Variants in CDYL2 observed in about 807,000 individuals in gnomAD.
The protein encoded by CDYL2 is chromodomain Y-like protein 2.
Under a neutral mutation model 49.4 loss-of-function variants are expected in CDYL2, and 23 were observed. The ratio of observed to expected loss-of-function variants is 0.47; its 90% CI spans 0.34 to 0.66. The LOEUF (loss-of-function observed/expected upper bound fraction) is 0.66. CDYL2 is among the 30% of genes least tolerant of loss of function. CDYL2 has a pLI of 0.01. For missense variants in CDYL2, 678 were observed against 656.4 expected (o/e 1.03, Z -0.36); for synonymous variants, 360 against 268.8 (o/e 1.34, Z -3.32).
intron 1 of CDYL2, among the ~76,000 whole-genome samples, chr16:80,715,963 C>A (rs1904784425): frequency 6.6e-6 from 1 of 152,228 alleles, no homozygotes; most frequent in Non-Finnish European, 1.5e-5. Flanking sequence ...CAAAACCCAG[C>A]TCTGTCGCCG....
Position 80,643,208 on chromosome 16 carries a change from A to C in CDYL2, c.617-9972T>G, listed in dbSNP as rs147321982. ...ATTCCAAAATCCAGCAGGGCAGTCA[A>C]ATTTTAAAGCTCCAAAATGATCTCC... On this transcript the variant is annotated intron_variant, in intron 2 of 6. Transcript: ENST00000570137. 9.9e-3 allele frequency among the ~76,000 whole-genome samples: 1,502 copies of C among 152,328 alleles called. 34 individuals are homozygous for C. The highest frequency in any genetic ancestry group is 0.034 in the African/African-American group (1,434 of 41,568).
Position 80,685,200 on chromosome 16 carries a change from A to T in CDYL2, c.25-71T>A, listed in dbSNP as rs924384138. On this transcript the variant is annotated intron_variant, in intron 1 of 6. Coordinates refer to ENST00000570137, the MANE Select transcript of CDYL2 (RefSeq NM_152342.4). ...AAAAAACTCAGTTCGAGGCAACAAG[A>T]ACACCATAAAGCCTTTGGGATAGAG... is the stretch of plus-strand genomic sequence containing the variant. 2.9e-5 allele frequency: 35 copies of T among 1,218,818 alleles called. No individual in the cohort carries two copies. In the East Asian group the frequency reaches 7.9e-4, roughly 27 times the overall value. The allele number at this position is 1,218,818 out of a possible 1,614,324, so 75.5% of individuals were successfully genotyped here.
chr16:80,658,479 T>C (rs1470593578), intron 2 of CDYL2, among the ~76,000 whole-genome samples: 1 of 152,132 alleles, frequency 6.6e-6, no homozygotes, highest in Non-Finnish European at 1.5e-5. Context: ...TTCACTGTGG[T>C]AAGAATGGAG....
chr16:80,722,486 C>T (rs929820007), intron 1 of CDYL2, among the ~76,000 whole-genome samples: 1 of 152,316 alleles, frequency 6.6e-6, no homozygotes, highest in East Asian at 1.9e-4. Flanking sequence ...GACACCTTAT[C>T]GAGCCAACAA....
In CDYL2 at chr16:80,598,336, T is replaced by C. The variant is rs142468802; in HGVS notation, c.*6052A>G. ...TCCTAGGGTGGGCTGGATAAGTTTT[T>C]GGTAGCCTGCTTCATTATCGGAAGT... is the stretch of plus-strand genomic sequence containing the variant. On this transcript the variant is annotated 3_prime_UTR_variant, in exon 7 of 7. Coordinates refer to ENST00000570137, the MANE Select transcript of CDYL2 (RefSeq NM_152342.4). The C allele has an allele frequency of 6.6e-6, 1 of 152,270 alleles. No homozygotes were observed. Among genetic ancestry groups the C allele is most frequent in the East Asian group, 1.9e-4 (1 of 5,180 alleles). The allele number at this position is 152,270 out of a possible 1,614,324, so 9.4% of individuals were successfully genotyped here.
intron 2 of CDYL2, among the ~76,000 whole-genome samples, chr16:80,663,767 AT>A (rs1320798635): frequency 1.3e-5 from 2 of 152,048 alleles, no homozygotes; most frequent in Non-Finnish European, 2.9e-5. Flanking sequence ...TAATTTTTGT[AT>A]TTCTAGTAGA....
At chr16:80,637,582 C>A (rs1907894704) in intron 2 of CDYL2, among the ~76,000 whole-genome samples, 1 of 152,078 alleles carries the variant, frequency 6.6e-6, no homozygotes, top group Non-Finnish European at 1.5e-5. Context: ...TGTAAGGTCA[C>A]AGAATACAAG....
At chr16:80,619,611 G>A (rs573035017) in intron 4 of CDYL2, among the ~76,000 whole-genome samples, 8 of 152,352 alleles carry the variant, frequency 5.3e-5, no homozygotes, top group African/African-American at 1.7e-4. Context: ...AGGCAGTAGT[G>A]AGAGGGCATA....
chr16:80,753,399 G>A (rs1016571514), intron 1 of CDYL2, among the ~76,000 whole-genome samples: 1 of 151,978 alleles, frequency 6.6e-6, no homozygotes, highest in East Asian at 1.9e-4. Context: ...ACCTGAAGTC[G>A]GGAGTTCGAG....
At position 80,604,190 on chromosome 16, in the gene CDYL2, G is replaced by T; in HGVS notation, c.*198C>A. On this transcript the variant is annotated 3_prime_UTR_variant, in exon 7 of 7. Coordinates refer to ENST00000570137, the MANE Select transcript of CDYL2 (RefSeq NM_152342.4). ...GGCCAGGAAGGGCAGGGAGGTGGGG[G>T]AGGCCAAGTATGCTGCGTTTTCCAT... 1 of 617,114 alleles carries T rather than the reference G, an allele frequency of 1.6e-6. No homozygotes were observed. 38.2% of individuals were successfully genotyped at this position (617,114 alleles called of 1,614,324 possible). A position where few individuals can be genotyped will look rare whatever the true frequency, so the allele number is the denominator to read the frequency against.
chr16:80,614,991 T>C (rs1229986176), intron 4 of CDYL2, among the ~76,000 whole-genome samples: 9 of 152,124 alleles, frequency 5.9e-5, no homozygotes, highest in African/African-American at 2.2e-4. Context: ...CAGATTCAAC[T>C]GCGAGAAGTC....
chr16:80,604,345 A>T lies in CDYL2; in HGVS notation c.*43T>A. 1 of 1,611,196 alleles carries T rather than the reference A, an allele frequency of 6.2e-7. No individual in the cohort carries two copies. Among genetic ancestry groups the T allele is most frequent in the Non-Finnish European group, 8.5e-7 (1 of 1,178,532 alleles). On this transcript the variant is annotated 3_prime_UTR_variant, in exon 7 of 7. Coordinates refer to ENST00000570137, the MANE Select transcript of CDYL2 (RefSeq NM_152342.4). Reference sequence around the variant, plus strand: ...GACACTGTGCTCTGGTTTCCGAAACACAGGGCAGAGCTGGAAGTTGGGGGC... The same window carrying T: ...GACACTGTGCTCTGGTTTCCGAAACTCAGGGCAGAGCTGGAAGTTGGGGGC...
intron 2 of CDYL2, among the ~76,000 whole-genome samples, chr16:80,661,945 G>A (rs1290797374): frequency 6.6e-6 from 1 of 152,170 alleles, no homozygotes; most frequent in East Asian, 1.9e-4. Context: ...ATGACTGCAT[G>A]AGCAAACAAT....
Position 80,804,210 on chromosome 16 carries a change from C to A in CDYL2, c.-37G>T. 2 of 1,340,744 alleles carry A rather than the reference C, an allele frequency of 1.5e-6. No homozygotes were observed. Among genetic ancestry groups the A allele is most frequent in the South Asian group, 1.4e-5 (1 of 71,908 alleles). 83.1% of individuals were successfully genotyped at this position (1,340,744 alleles called of 1,614,324 possible). A position where few individuals can be genotyped will look rare whatever the true frequency, so the allele number is the denominator to read the frequency against. ...GAACTTGGCTCGCCGGTGTGCGCGTCTGCTCGCTCGCGCCCTCCGTGCGTG... is the reference window on the plus strand; with the variant it reads ...GAACTTGGCTCGCCGGTGTGCGCGTATGCTCGCTCGCGCCCTCCGTGCGTG... On this transcript the variant is annotated 5_prime_UTR_variant, in exon 1 of 7. Coordinates refer to ENST00000570137, the MANE Select transcript of CDYL2 (RefSeq NM_152342.4).
At chr16:80,661,894 G>A (rs1370826337) in intron 2 of CDYL2, among the ~76,000 whole-genome samples, 8 of 152,168 alleles carry the variant, frequency 5.3e-5, no homozygotes, top group African/African-American at 1.9e-4. Context: ...ACAGAGCGCA[G>A]TGCCTAGAGG....
At chr16:80,638,907 G>T (rs1008609652) in intron 2 of CDYL2, among the ~76,000 whole-genome samples, 1 of 151,778 alleles carries the variant, frequency 6.6e-6, no homozygotes, top group African/African-American at 2.4e-5. Context: ...GAAACCCTAG[G>T]GAACTTGGGT....
intron 1 of CDYL2, among the ~76,000 whole-genome samples, chr16:80,739,011 C>T (rs1039691473): frequency 6.8e-6 from 1 of 147,032 alleles, no homozygotes; most frequent in Non-Finnish European, 1.5e-5. Flanking sequence ...ACCCGATTTT[C>T]CATCAATGGA....
At chr16:80,608,562 G>C (rs56366093) in intron 5 of CDYL2, among the ~76,000 whole-genome samples, 3 of 152,134 alleles carry the variant, frequency 2.0e-5, no homozygotes, top group African/African-American at 7.2e-5. Flanking sequence ...CGATGACCCA[G>C]CCGTGATGAC....
intron 3 of CDYL2, among the ~76,000 whole-genome samples, chr16:80,622,320 T>A (rs1190011765): frequency 6.6e-6 from 1 of 152,158 alleles, no homozygotes; most frequent in Non-Finnish European, 1.5e-5. Context: ...CCTAATCACC[T>A]TTGCACATGC....
Sources: gnomAD v4.1 joint callset for allele counts (sites outside exome capture counted in the v4.1 genomes callset) on GRCh38, gnomAD v4.1.1 for gene constraint, MANE v1.5 for transcripts, NCBI Gene and HGNC (gene_info 2026-07-23, HGNC 2026-07-21) for gene names.